The following SRRM3 variants were observed in gnomAD, a reference collection of about 807,000 sequenced individuals.
SRRM3 encodes the protein serine/arginine repetitive matrix 3, also known as serine/arginine repetitive matrix protein 3.
SRRM3 carries 27 observed loss-of-function variants against 66.2 expected under a neutral mutation model. The observed-to-expected ratio is 0.41, with a 90% CI of 0.30 to 0.56. SRRM3 has a LOEUF of 0.56. Ranked by LOEUF, SRRM3 falls within the 20% of genes least tolerant of loss-of-function variation. The pLI is 0.32. For missense variants in SRRM3, 918 were observed against 991.9 expected (o/e 0.93, Z 1.00); for synonymous variants, 391 against 414.9 (o/e 0.94, Z 0.70).
chr7:76,221,056 C>CTTT (rs561559244), intron 1 of SRRM3, among the ~76,000 whole-genome samples: 2 of 138,162 alleles, frequency 1.4e-5, no homozygotes, highest in Admixed American at 7.3e-5. Flanking sequence ...TCTTACCCGT[C>CTTT]TTTTTTTTTT....
At chr7:76,206,577 T>C (rs1554601170) in intron 1 of SRRM3, among the ~76,000 whole-genome samples, 1 of 152,214 alleles carries the variant, frequency 6.6e-6, no homozygotes, top group African/African-American at 2.4e-5. Context: ...ATCTCCATCC[T>C]GGAGGCTCAG....
chr7:76,227,495 G>C (rs1396504086), intron 1 of SRRM3, among the ~76,000 whole-genome samples: 1 of 152,152 alleles, frequency 6.6e-6, no homozygotes, highest in Non-Finnish European at 1.5e-5. Flanking sequence ...CTGCCAGATT[G>C]GCCCATTTAT....
At chr7:76,215,269 AAG>A (rs1445292283) in intron 1 of SRRM3, among the ~76,000 whole-genome samples, 3 of 151,954 alleles carry the variant, frequency 2.0e-5, no homozygotes, top group Non-Finnish European at 2.9e-5. Context: ...ACGTTTTGGG[AAG>A]AGAGAAAAAA....
Position 76,282,762 on chromosome 7 carries a change from C to G in SRRM3, c.1485C>G (p.His495Gln). Residue 495 changes from histidine to glutamine, a missense_variant, in exon 13 of 15, where the codon CAC (histidine) becomes CAG (glutamine). Coordinates refer to ENST00000611745, the MANE Select transcript of SRRM3 (RefSeq NM_001110199.3). ...GCTCGTCGCGCAGCCCCGGCCCGCA[C>G]CCCCGCTCCTGGAGCTCCAGCCGCT... The part of the protein sequence containing the change: ...GKSSSRSPGP[H>Q]PRSWSSSRSP... 2 of 1,465,024 alleles carry G rather than the reference C, an allele frequency of 1.4e-6. No homozygotes were observed. The highest frequency in any genetic ancestry group is 2.6e-5 in the South Asian group (2 of 77,384). The allele number at this position is 1,465,024 out of a possible 1,614,324, so 90.8% of individuals were successfully genotyped here.
intron 10 of SRRM3, among the ~76,000 whole-genome samples, chr7:76,266,721 G>A (rs1802067947): frequency 6.9e-6 from 1 of 144,416 alleles, no homozygotes; most frequent in East Asian, 2.0e-4. Context: ...TGCCCAGGCT[G>A]GAGAGCAGTG....
chr7:76,240,230 T>C (rs1263890630), intron 2 of SRRM3, among the ~76,000 whole-genome samples: 1 of 151,998 alleles, frequency 6.6e-6, no homozygotes, highest in African/African-American at 2.4e-5. Context: ...ACTCCTGTAA[T>C]CCCAGCACTT....
chr7:76,263,081 G>A (rs111930081), intron 8 of SRRM3, among the ~76,000 whole-genome samples: 8 of 152,174 alleles, frequency 5.3e-5, no homozygotes, highest in African/African-American at 1.7e-4. Context: ...ATCTTCCCCT[G>A]GCCTCCCAGT....
intron 10 of SRRM3, 48 bp from the exon 11 acceptor site, chr7:76,267,210 C>T (rs1583928989): frequency 2.1e-6 from 3 of 1,443,980 alleles, no homozygotes; most frequent in African/African-American, 1.5e-5. Flanking sequence ...GCTTGCAAAG[C>T]GGGTGTCCCA....
intron 1 of SRRM3, among the ~76,000 whole-genome samples, chr7:76,233,294 T>C (rs1425975672): frequency 2.0e-5 from 3 of 151,906 alleles, no homozygotes; most frequent in East Asian, 1.9e-4. Flanking sequence ...GCCTGGGTGA[T>C]AGAGTGAGAC....
intron 2 of SRRM3, among the ~76,000 whole-genome samples, chr7:76,235,733 C>T (rs1423992806): frequency 1.3e-5 from 2 of 151,666 alleles, no homozygotes; most frequent in Non-Finnish European, 2.9e-5. Context: ...TAGCTGGGCG[C>T]GGTGTCTTAC....
intron 1 of SRRM3, among the ~76,000 whole-genome samples, chr7:76,215,793 ATTT>A (rs35624440): frequency 1.0e-5 from 1 of 96,832 alleles, no homozygotes; most frequent in Non-Finnish European, 2.0e-5. Context: ...CACCTGGCTA[ATTT>A]TTTTTTTTTT....
chr7:76,221,339 G>A (rs1273230913), intron 1 of SRRM3, among the ~76,000 whole-genome samples: 8 of 143,926 alleles, frequency 5.6e-5, no homozygotes, highest in African/African-American at 2.1e-4. Context: ...ACAGGTTTGA[G>A]CCACTGGGCC....
At chr7:76,265,565 T>C (rs1340831995) in intron 10 of SRRM3, 97 bp downstream of exon 10, 2 of 934,786 alleles carry the variant, frequency 2.1e-6, no homozygotes, top group Non-Finnish European at 3.1e-6. Context: ...GTGGACAGAA[T>C]GTCAATTCAT....
intron 3 of SRRM3, among the ~76,000 whole-genome samples, chr7:76,254,024 T>G (rs1554607317): frequency 6.6e-6 from 1 of 151,940 alleles, no homozygotes; most frequent in African/African-American, 2.4e-5. Flanking sequence ...ATTTATTTAT[T>G]TATTTATTTT....
intron 3 of SRRM3, among the ~76,000 whole-genome samples, chr7:76,251,829 G>A (rs1376444394): frequency 6.6e-6 from 1 of 152,080 alleles, no homozygotes; most frequent in Non-Finnish European, 1.5e-5. Context: ...TTGGGAGGCT[G>A]AGGCGGTTGG....
At chr7:76,276,402 C>A (rs1554611157) in intron 11 of SRRM3, among the ~76,000 whole-genome samples, 1 of 152,174 alleles carries the variant, frequency 6.6e-6, no homozygotes, top group Non-Finnish European at 1.5e-5. Flanking sequence ...AGCTCCTGCT[C>A]ACCACGGCAG....
At chr7:76,271,592 A>G (rs996809407) in intron 11 of SRRM3, among the ~76,000 whole-genome samples, 7 of 152,172 alleles carry the variant, frequency 4.6e-5, no homozygotes, top group African/African-American at 1.7e-4. Flanking sequence ...GCAGTGAGCC[A>G]TGATTGCGCC....
At chr7:76,275,662 G>A (rs1044553988) in intron 11 of SRRM3, among the ~76,000 whole-genome samples, 1 of 152,142 alleles carries the variant, frequency 6.6e-6, no homozygotes, top group Non-Finnish European at 1.5e-5. Context: ...CTCAAAGGAA[G>A]CAAGAGTAAA....
At chr7:76,214,806 G>T (rs1554602332) in intron 1 of SRRM3, among the ~76,000 whole-genome samples, 2 of 151,954 alleles carry the variant, frequency 1.3e-5, no homozygotes, top group East Asian at 1.9e-4. Flanking sequence ...ATGGGGTCTT[G>T]TTATGTTGCC....
Sources: gnomAD v4.1 joint callset for allele counts (sites outside exome capture counted in the v4.1 genomes callset) on GRCh38, gnomAD v4.1.1 for gene constraint, MANE v1.5 for transcripts, NCBI Gene and HGNC (gene_info 2026-07-23, HGNC 2026-07-21) for gene names.